Variants in WDTC1 observed in about 807,000 individuals in gnomAD.
WDTC1 encodes WD and tetratricopeptide repeats protein 1.
WDTC1 carries 12 observed loss-of-function variants against 76.0 expected under a neutral mutation model. That is an observed-to-expected ratio of 0.16 (90% CI 0.10 to 0.26). WDTC1 has a LOEUF of 0.26. Among genes scored for constraint, WDTC1 ranks in the 10% least tolerant of loss-of-function variants. The pLI is 1.00. For synonymous variants in WDTC1, 326 were observed against 350.8 expected, an observed-to-expected ratio of 0.93 and a Z score of 0.79; for missense variants, 511 against 908.8, an observed-to-expected ratio of 0.56 and a Z score of 5.63.
chr1:27,304,992 C>G lies in WDTC1; in HGVS notation c.1644-9C>G. ...CACCTGACCTCCCTGCCCTTTGCCCCCCCGCCAGCAACGCTCAGTATATCG... is the reference window on the plus strand; with the variant it reads ...CACCTGACCTCCCTGCCCTTTGCCCGCCCGCCAGCAACGCTCAGTATATCG... On this transcript the variant is annotated splice_polypyrimidine_tract_variant and intron_variant, in intron 14 of 15. Transcript: ENST00000319394. 6.2e-7 allele frequency: 1 copy of G among 1,608,328 alleles called. No individual in the cohort carries two copies.
intron 1 of WDTC1, among the ~76,000 whole-genome samples, chr1:27,235,901 TC>T (rs1301044565): frequency 6.6e-6 from 1 of 152,134 alleles, no homozygotes; most frequent in East Asian, 1.9e-4. Flanking sequence ...GGCTGAAGCT[TC>T]CCCATTCATT....
At chr1:27,304,137 G>T in intron 14 of WDTC1, 1 of 280,556 alleles carries the variant, frequency 3.6e-6, no homozygotes, top group South Asian at 3.6e-5. Flanking sequence ...ACCTCCCTCT[G>T]CTTGAGAGTA....
intron 11 of WDTC1, 59 bp downstream of exon 11, chr1:27,297,215 G>A: frequency 6.9e-7 from 1 of 1,441,160 alleles, no homozygotes; most frequent in Non-Finnish European, 9.5e-7. Context: ...TGGACTGGAG[G>A]GAGGGACATA....
intron 1 of WDTC1, among the ~76,000 whole-genome samples, chr1:27,242,791 A>T (rs530177409): frequency 6.6e-6 from 1 of 152,254 alleles, no homozygotes; most frequent in East Asian, 1.9e-4. Context: ...TAAAAGCTCA[A>T]ACAGCAATAC....
chr1:27,235,400 G>C (rs1401727207), intron 1 of WDTC1, among the ~76,000 whole-genome samples: 10 of 108,640 alleles, frequency 9.2e-5, no homozygotes, highest in Admixed American at 5.6e-4. Context: ...CTTTCTGTGT[G>C]TGTGTGTGTG....
intron 1 of WDTC1, among the ~76,000 whole-genome samples, chr1:27,255,220 A>G (rs1170239109): frequency 1.3e-5 from 2 of 152,154 alleles, no homozygotes; most frequent in Non-Finnish European, 2.9e-5. Flanking sequence ...AAATTAATGA[A>G]TAAGTCATGG....
At position 27,234,658 on chromosome 1, in the gene WDTC1, T is replaced by C. The variant is rs1033216298; in HGVS notation, c.-393T>C. The stretch of plus-strand genomic sequence containing the variant: ...GGCTTCTCCTGGGTCCCCAGACAGC[T>C]GGAGGAGATAAACAGAGGAGGAGGA... On this transcript the variant is annotated 5_prime_UTR_variant, in exon 1 of 16. Coordinates refer to ENST00000319394, the MANE Select transcript of WDTC1 (RefSeq NM_001276252.2). 4 of 395,230 alleles carry C rather than the reference T, an allele frequency of 1.0e-5. No homozygotes were observed. Among genetic ancestry groups the C allele is most frequent in the African/African-American group, 8.3e-5 (4 of 48,360 alleles). 24.5% of individuals were successfully genotyped at this position (395,230 alleles called of 1,614,324 possible). A position where few individuals can be genotyped will look rare whatever the true frequency, so the allele number is the denominator to read the frequency against.
chr1:27,247,667 T>C (rs1351102052), intron 1 of WDTC1, among the ~76,000 whole-genome samples: 1 of 152,112 alleles, frequency 6.6e-6, no homozygotes. Flanking sequence ...CTCATTCTTA[T>C]GGCTGCATGG....
chr1:27,292,537 C>T (rs761760543), intron 7 of WDTC1, 140 bp downstream of exon 7: 15 of 728,430 alleles, frequency 2.1e-5, no homozygotes, highest in African/African-American at 7.3e-5. Flanking sequence ...AAGCGATCCT[C>T]CCATCTCAGC....
chr1:27,275,708 T>A (rs1418238097), intron 3 of WDTC1, among the ~76,000 whole-genome samples: 1 of 152,138 alleles, frequency 6.6e-6, no homozygotes, highest in African/African-American at 2.4e-5. Flanking sequence ...TAAATCCAGA[T>A]CAGCAATTTG....
intron 3 of WDTC1, among the ~76,000 whole-genome samples, chr1:27,272,282 G>A (rs2012894280): frequency 6.6e-6 from 1 of 151,972 alleles, no homozygotes; most frequent in South Asian, 2.1e-4. Flanking sequence ...TAGAGACAAG[G>A]TTTTGCTGTG....
Position 27,308,570 on chromosome 1 carries a change from T to C in WDTC1, c.*2187T>C, listed in dbSNP as rs1475950246. ...ATACACATGATTACTTGTAGATATG[T>C]GTGTGTGTATATATATATAAAAAAA... On this transcript the variant is annotated 3_prime_UTR_variant, in exon 16 of 16. Transcript: ENST00000319394. 3 of 152,040 alleles carry C rather than the reference T, an allele frequency of 2.0e-5. No individual in the cohort carries two copies. Among genetic ancestry groups the C allele is most frequent in the Non-Finnish European group, 4.4e-5 (3 of 67,970 alleles). The allele number at this position is 152,040 out of a possible 1,614,324, so 9.4% of individuals were successfully genotyped here.
At chr1:27,298,133 G>A (rs758118216) in intron 12 of WDTC1, 22 bp downstream of exon 12, 2 of 1,563,768 alleles carry the variant, frequency 1.3e-6, no homozygotes, top group African/African-American at 2.7e-5. Flanking sequence ...CTGCAGAGGG[G>A]ATCTGGGTCA....
chr1:27,247,364 G>A (rs141553195), intron 1 of WDTC1, among the ~76,000 whole-genome samples: 104 of 151,886 alleles, frequency 6.8e-4, no homozygotes, highest in South Asian at 3.1e-3. Flanking sequence ...GCCTTGTGCA[G>A]GTTTTTTATA....
chr1:27,258,392 C>T (rs1217126140), intron 1 of WDTC1, among the ~76,000 whole-genome samples: 1 of 151,642 alleles, frequency 6.6e-6, no homozygotes, highest in East Asian at 2.0e-4. Context: ...AACTAGCTGG[C>T]GTGGTGGCAG....
Position 27,301,257 on chromosome 1 carries a change from T to G in WDTC1, c.1264T>G (p.Cys422Gly). The change falls in exon 13 of 16, where the codon TGC (cysteine) becomes GGC (glycine). Residue 422 changes from cysteine to glycine, a missense_variant. Physicochemically the swap from Cys to Gly is radical, Grantham distance 159. Transcript: ENST00000319394. The surrounding 1 kb of genome is among the most constrained non-coding windows in gnomAD (Gnocchi z 5.8). The part of the protein sequence containing the change: ...DGDHYDALRD[C>G]LKAISLNPCH... ...TGACCACTATGATGCCCTGAGGGAC[T>G]GCCTCAAGGCCATCTCCCTAAACCC... 6.2e-7 allele frequency: 1 copy of G among 1,614,134 alleles called. No individual in the cohort carries two copies. Among genetic ancestry groups the G allele is most frequent in the Non-Finnish European group, 8.5e-7 (1 of 1,180,046 alleles).
In WDTC1 at chr1:27,303,987, T is replaced by G. The variant is rs1050419020; in HGVS notation, c.1643+192T>G. The G allele has an allele frequency of 1.3e-5, 9 of 671,326 alleles. No homozygotes were observed. The African/African-American group carries it at 1.7e-4, about 13-fold the overall frequency. 41.6% of individuals were successfully genotyped at this position (671,326 alleles called of 1,614,324 possible). On this transcript the variant is annotated intron_variant, in intron 14 of 15. Transcript: ENST00000319394. This position sits in a 1 kb window ranked among gnomAD's most constrained non-coding sequence, Gnocchi z 4.8. Reference sequence around the variant, plus strand: ...GAAATGACCAACCTGCCATGCCCATTTATGAGGCCATAACAAGGACTAATA... The same window carrying G: ...GAAATGACCAACCTGCCATGCCCATGTATGAGGCCATAACAAGGACTAATA...
chr1:27,291,575 G>A (rs1316415015), intron 6 of WDTC1, among the ~76,000 whole-genome samples: 2 of 152,272 alleles, frequency 1.3e-5, no homozygotes, highest in Admixed American at 6.5e-5. Context: ...CGTCTGGAGC[G>A]GTGGGAGTTT....
intron 3 of WDTC1, among the ~76,000 whole-genome samples, chr1:27,266,537 A>G (rs573031982): frequency 1.3e-5 from 2 of 152,324 alleles, no homozygotes; most frequent in African/African-American, 2.4e-5. Flanking sequence ...AGTGTCCAGT[A>G]TATTGTATAA....
Sources: allele counts gnomAD v4.1 joint callset (sites outside exome capture counted in the v4.1 genomes callset), GRCh38; gene constraint gnomAD v4.1.1; non-coding constraint Gnocchi (gnomAD v3.1); transcripts MANE v1.5; gene names NCBI Gene and HGNC (gene_info 2026-07-23, HGNC 2026-07-21).